Variants in GAREM1 observed in about 807,000 individuals in gnomAD.
GAREM1 encodes the protein GRB2-associated and regulator of MAPK protein 1.
Under a neutral mutation model 71.3 loss-of-function variants are expected in GAREM1, and 26 were observed. The ratio of observed to expected loss-of-function variants is 0.36; its 90% CI spans 0.27 to 0.51. GAREM1 has a LOEUF of 0.51. Ranked by LOEUF, GAREM1 falls within the 20% of genes least tolerant of loss-of-function variation. GAREM1 has a pLI of 0.95. For missense variants in GAREM1, 1,026 were observed against 1,103.1 expected (o/e 0.93, Z 0.99); for synonymous variants, 440 against 433.2 (o/e 1.02, Z -0.20).
At chr18:32,346,223 T>C (rs1468160442) in intron 2 of GAREM1, among the ~76,000 whole-genome samples, 2 of 152,214 alleles carry the variant, frequency 1.3e-5, no homozygotes, top group Non-Finnish European at 2.9e-5. Flanking sequence ...TAAATTGCCA[T>C]GTTTATCAAA....
At chr18:32,269,567 A>C (rs2041427447) in intron 5 of GAREM1, among the ~76,000 whole-genome samples, 1 of 152,224 alleles carries the variant, frequency 6.6e-6, no homozygotes, top group African/African-American at 2.4e-5. Flanking sequence ...TCATGAGTTG[A>C]CAAAGAGATA....
At chr18:32,314,090 G>T (rs1217722815) in intron 2 of GAREM1, among the ~76,000 whole-genome samples, 11 of 142,010 alleles carry the variant, frequency 7.7e-5, no homozygotes, top group African/African-American at 2.1e-4. Context: ...GACAAAAAAA[G>T]TTTTTTTTTT....
intron 4 of GAREM1, among the ~76,000 whole-genome samples, chr18:32,286,574 G>T (rs2047019863): frequency 6.6e-6 from 1 of 152,052 alleles, no homozygotes; most frequent in African/African-American, 2.4e-5. Context: ...TTCTTTGATT[G>T]CTCTCTTTTC....
chr18:32,345,721 C>T (rs947521675), intron 2 of GAREM1, among the ~76,000 whole-genome samples: 3 of 152,106 alleles, frequency 2.0e-5, no homozygotes, highest in Non-Finnish European at 2.9e-5. Context: ...CTGATGAAAG[C>T]GACATTGGGG....
intron 2 of GAREM1, among the ~76,000 whole-genome samples, chr18:32,316,619 A>AT (rs1264968341): frequency 1.3e-5 from 2 of 151,768 alleles, no homozygotes; most frequent in Admixed American, 6.6e-5. Context: ...TAATTGTTGT[A>AT]TTTTTTTGTA....
chr18:32,412,122 A>T (rs1415035219), intron 1 of GAREM1: 3 of 877,834 alleles, frequency 3.4e-6, no homozygotes, highest in South Asian at 1.4e-5. Context: ...CCCTGCCACC[A>T]CTGTGCTTGG....
chr18:32,368,802 T>C (rs1280553560), intron 2 of GAREM1, among the ~76,000 whole-genome samples: 1 of 152,222 alleles, frequency 6.6e-6, no homozygotes, highest in Non-Finnish European at 1.5e-5. Context: ...AAACAGGCTC[T>C]GTGTTTTGAT....
intron 1 of GAREM1, among the ~76,000 whole-genome samples, chr18:32,400,718 T>A: frequency 6.6e-6 from 1 of 152,214 alleles, no homozygotes; most frequent in East Asian, 1.9e-4. Flanking sequence ...ACTTTTACAC[T>A]GTTGATGGGA....
intron 2 of GAREM1, among the ~76,000 whole-genome samples, chr18:32,317,393 CAAA>C (rs35166372): frequency 4.1e-5 from 3 of 72,592 alleles, no homozygotes; most frequent in African/African-American, 4.7e-5. Flanking sequence ...CGCTCTGTCA[CAAA>C]AAAAAAAAAA....
At chr18:32,369,736 A>C (rs2047958885) in intron 2 of GAREM1, among the ~76,000 whole-genome samples, 3 of 152,218 alleles carry the variant, frequency 2.0e-5, no homozygotes, top group Admixed American at 6.5e-5. Context: ...GCATCTTGTC[A>C]ATAAAGAAAG....
intron 2 of GAREM1, among the ~76,000 whole-genome samples, chr18:32,371,217 G>A (rs1352937705): frequency 6.6e-6 from 1 of 152,116 alleles, no homozygotes; most frequent in East Asian, 1.9e-4. Flanking sequence ...GCAGGACCCA[G>A]GCCAGGGAGC....
chr18:32,343,049 C>T (rs2047662003), intron 2 of GAREM1, among the ~76,000 whole-genome samples: 1 of 152,228 alleles, frequency 6.6e-6, no homozygotes, highest in African/African-American at 2.4e-5. Context: ...ATATTCATCC[C>T]AAATGGTAAG....
chr18:32,379,567 G>A, intron 2 of GAREM1, among the ~76,000 whole-genome samples: 2 of 146,900 alleles, frequency 1.4e-5, no homozygotes, highest in East Asian at 2.2e-4. Flanking sequence ...AGCTGGGCGT[G>A]GTGGTGTGCG....
intron 2 of GAREM1, among the ~76,000 whole-genome samples, chr18:32,373,229 T>C (rs953441061): frequency 6.6e-6 from 1 of 152,156 alleles, no homozygotes; most frequent in African/African-American, 2.4e-5. Context: ...TGGAAGAGAA[T>C]CCTACTTCTT....
chr18:32,294,616 T>C (rs1484769348), intron 3 of GAREM1, among the ~76,000 whole-genome samples: 2 of 152,232 alleles, frequency 1.3e-5, no homozygotes, highest in Non-Finnish European at 1.5e-5. Context: ...AGATCTTTTA[T>C]TTCCCTTATT....
chr18:32,339,429 T>C (rs910628894), intron 2 of GAREM1, among the ~76,000 whole-genome samples: 4 of 152,174 alleles, frequency 2.6e-5, no homozygotes, highest in Non-Finnish European at 5.9e-5. Context: ...CCTGCTGGCC[T>C]CTAAGAAAAA....
chr18:32,430,445 C>A (rs1386587586), intron 1 of GAREM1, among the ~76,000 whole-genome samples: 1 of 152,208 alleles, frequency 6.6e-6, no homozygotes, highest in Non-Finnish European at 1.5e-5. Flanking sequence ...CAAACTCTCT[C>A]TATATATATA....
At chr18:32,268,805 G>A (rs1407825439) in intron 5 of GAREM1, 37 bp from the exon 6 acceptor site, 1 of 1,564,712 alleles carries the variant, frequency 6.4e-7, no homozygotes, top group Admixed American at 1.8e-5. Context: ...TCAGTTAAAA[G>A]AAAAAAGCCA....
intron 1 of GAREM1, among the ~76,000 whole-genome samples, chr18:32,452,286 C>A (rs1181061100): frequency 6.6e-6 from 1 of 152,138 alleles, no homozygotes; most frequent in Non-Finnish European, 1.5e-5. Context: ...CACCATCTGT[C>A]ATTTGTGTCC....
Sources: allele counts gnomAD v4.1 joint callset (sites outside exome capture counted in the v4.1 genomes callset), GRCh38; gene constraint gnomAD v4.1.1; transcripts MANE v1.5; gene names NCBI Gene and HGNC (gene_info 2026-07-23, HGNC 2026-07-21).